Variants in TTLL4 observed in about 807,000 individuals in gnomAD.
TTLL4 encodes the protein tubulin tyrosine ligase like 4.
TTLL4 carries 85 observed loss-of-function variants against 122.7 expected under a neutral mutation model. The observed-to-expected ratio is 0.69, with a 90% confidence interval of 0.58 to 0.83. The LOEUF (loss-of-function observed/expected upper bound fraction) is 0.83, where lower values mean the gene tolerates loss of function less well. Ranked by LOEUF, TTLL4 falls within the 40% of genes least tolerant of loss-of-function variation. TTLL4 has a pLI of 0.00. For synonymous variants in TTLL4, 553 were observed against 563.0 expected, an observed-to-expected ratio of 0.98 and a Z score of 0.25; for missense variants, 1,363 against 1,488.6, an observed-to-expected ratio of 0.92 and a Z score of 1.39.
chr2:218,741,166 GATC>G (rs1942691066), intron 5 of TTLL4, among the ~76,000 whole-genome samples: 1 of 152,172 alleles, frequency 6.6e-6, no homozygotes, highest in African/African-American at 2.4e-5. Flanking sequence ...AAGATGGGTG[GATC>G]ACTTGAGGCC....
intron 1 of TTLL4, among the ~76,000 whole-genome samples, chr2:218,718,983 T>A (rs1941951456): frequency 6.6e-6 from 1 of 152,202 alleles, no homozygotes; most frequent in African/African-American, 2.4e-5. Context: ...ATTTTGTTGA[T>A]CCATACAACT....
chr2:218,739,282 T>G, intron 3 of TTLL4, 119 bp downstream of exon 3: 1 of 1,325,424 alleles, frequency 7.5e-7, no homozygotes, highest in Non-Finnish European at 1.0e-6. Flanking sequence ...CCTAGAATTT[T>G]TGGTTTTCAC....
At chr2:218,756,616 A>G (rs1943156190), downstream of TTLL4, among the ~76,000 whole-genome samples, 1 of 152,230 alleles carries the variant, frequency 6.6e-6, no homozygotes, top group Admixed American at 6.5e-5. Flanking sequence ...AATGCCCACA[A>G]TATGAGGTAT....
chr2:218,712,622 C>T (rs1941745894), intron 1 of TTLL4, among the ~76,000 whole-genome samples: 1 of 152,072 alleles, frequency 6.6e-6, no homozygotes, highest in Non-Finnish European at 1.5e-5. Flanking sequence ...CTCCTGACCT[C>T]GTGATTCACC....
chr2:218,734,528 A>G (rs1161143919), intron 2 of TTLL4, among the ~76,000 whole-genome samples: 1 of 152,158 alleles, frequency 6.6e-6, no homozygotes, highest in Non-Finnish European at 1.5e-5. Flanking sequence ...GTCAGGGAAG[A>G]CTGCCTAGGT....
intron 2 of TTLL4, among the ~76,000 whole-genome samples, chr2:218,730,859 C>T (rs943549578): frequency 7.2e-5 from 11 of 152,030 alleles, no homozygotes; most frequent in Non-Finnish European, 1.0e-4. Context: ...AATCCCAGAG[C>T]TTTGGGAGGC....
chr2:218,737,773 C>T lies in TTLL4; in HGVS notation c.97C>T (p.Pro33Ser), dbSNP rs1439219635. The change falls in exon 3 of 20, where the codon CCT (proline) becomes TCT (serine). Residue 33 changes from proline (P) to serine (S), a missense_variant. By Grantham distance (74) the Pro-to-Ser change is moderately conservative (BLOSUM62 -1). Coordinates refer to ENST00000392102, the MANE Select transcript of TTLL4 (RefSeq NM_014640.5). Reference sequence around the variant, plus strand: ...CTCAGGCACAGTACCTGCCACGCCACCTGAGAAACCCTCGGAGGGCAGAGT... The same window carrying T: ...CTCAGGCACAGTACCTGCCACGCCATCTGAGAAACCCTCGGAGGGCAGAGT... ...GPSGTVPATP[P>S]EKPSEGRVWP... The T allele has an allele frequency of 2.5e-6, 4 of 1,613,932 alleles. No homozygotes were observed. Among genetic ancestry groups the T allele is most frequent in the Non-Finnish European group, 2.5e-6 (3 of 1,179,884 alleles).
At chr2:218,730,529 A>AAAT (rs898292982) in intron 2 of TTLL4, among the ~76,000 whole-genome samples, 2 of 151,748 alleles carry the variant, frequency 1.3e-5, no homozygotes, top group African/African-American at 4.8e-5. Flanking sequence ...ATAAATAAAT[A>AAAT]AATAAAATAA....
intron 5 of TTLL4, 38 bp downstream of exon 5, chr2:218,740,622 C>T: frequency 6.2e-7 from 1 of 1,604,920 alleles, no homozygotes. Context: ...ACATGCTCAT[C>T]TTTTGTCTCT....
At chr2:218,746,335 A>G (rs996763928) in intron 8 of TTLL4, 104 bp downstream of exon 8, 8 of 1,291,872 alleles carry the variant, frequency 6.2e-6, no homozygotes, top group Non-Finnish European at 8.9e-6. Flanking sequence ...GATGATGACC[A>G]TGGAGAAGTC....
intron 15 of TTLL4, 112 bp downstream of exon 15, chr2:218,750,258 C>T: frequency 1.4e-6 from 2 of 1,438,412 alleles, no homozygotes; most frequent in East Asian, 2.3e-5. Context: ...CCTTGCTGCT[C>T]AATCTTGCCC....
intron 5 of TTLL4, among the ~76,000 whole-genome samples, chr2:218,741,388 GGTT>G (rs1363179981): frequency 5.9e-5 from 9 of 152,314 alleles, no homozygotes; most frequent in Admixed American, 2.0e-4. Context: ...CCCAGAGTCG[GGTT>G]GTTTTTCTTT....
Position 218,738,793 on chromosome 2 carries a change from C to T in TTLL4, c.1117C>T (p.Leu373Phe), listed in dbSNP as rs767457033. 7 of 1,614,062 alleles carry T rather than the reference C, an allele frequency of 4.3e-6. No homozygotes were observed. The African/African-American group carries it at 9.3e-5, about 22-fold the overall frequency. ...FLNPSFQWNV[L>F]NRSRRWKPPA... ...GAACCCCAGCTTCCAGTGGAATGTC[C>T]TCAACAGGAGCAGGCGGTGGAAACC... The change falls in exon 3 of 20, where the codon CTC becomes TTC. Residue 373 changes from leucine to phenylalanine, a missense_variant. Around this residue, in one of 3 missense-constraint regions of TTLL4, gnomAD observed 760 missense variants for 808.4 expected, o/e 0.94. Transcript: ENST00000392102.
In TTLL4 at chr2:218,738,905, A is replaced by G. The variant is rs1432536114; in HGVS notation, c.1229A>G (p.Asp410Gly). 6.2e-7 allele frequency: 1 copy of G among 1,614,178 alleles called. No homozygotes were observed. The highest frequency in any genetic ancestry group is 1.7e-5 in the Admixed American group (1 of 60,024). Reference protein sequence around the residue: ...LPGASDTLGLDNTVFCTKRIS... With the variant: ...LPGASDTLGLGNTVFCTKRIS... Reference sequence around the variant, plus strand: ...GGTGCCTCAGATACCTTGGGGTTGGACAATACAGTCTTCTGTACCAAGCGT... The same window carrying G: ...GGTGCCTCAGATACCTTGGGGTTGGGCAATACAGTCTTCTGTACCAAGCGT... Residue 410 changes from aspartate to glycine, a missense_variant, in exon 3 of 20, where the codon GAC becomes GGC. Physicochemically the swap from Asp to Gly is moderately conservative, Grantham distance 94 (BLOSUM62 -1). Transcript: ENST00000392102.
chr2:218,750,650 G>A (rs1355055248), intron 15 of TTLL4, among the ~76,000 whole-genome samples: 2 of 152,000 alleles, frequency 1.3e-5, no homozygotes, highest in African/African-American at 2.4e-5. Flanking sequence ...AAACTGGATC[G>A]CTCACACAAC....
intron 1 of TTLL4, among the ~76,000 whole-genome samples, chr2:218,719,929 G>A (rs564951221): frequency 6.6e-6 from 1 of 152,362 alleles, no homozygotes; most frequent in African/African-American, 2.4e-5. Flanking sequence ...AGATCTAGGG[G>A]CATGGTGGAA....
At chr2:218,752,689 C>G in intron 16 of TTLL4, 74 bp from the exon 17 acceptor site, 1 of 1,541,124 alleles carries the variant, frequency 6.5e-7, no homozygotes. Flanking sequence ...GCTCCCTGTT[C>G]CCCAGCTTCT....
In TTLL4 at chr2:218,754,427, G is replaced by A; in HGVS notation, c.*38G>A. ...CAAAAGCCTCTGCCCAGGAGCATGG[G>A]CATCAGCTACCTCACGGGAACCAGC... is the stretch of plus-strand genomic sequence containing the variant. On this transcript the variant is annotated 3_prime_UTR_variant, in exon 20 of 20. Coordinates refer to ENST00000392102, the MANE Select transcript of TTLL4 (RefSeq NM_014640.5). 6.2e-7 allele frequency: 1 copy of A among 1,609,816 alleles called. No homozygotes were observed. The highest frequency in any genetic ancestry group is 8.5e-7 in the Non-Finnish European group (1 of 1,178,058).
intron 2 of TTLL4, among the ~76,000 whole-genome samples, chr2:218,730,785 G>A (rs1464566465): frequency 6.6e-6 from 1 of 151,706 alleles, no homozygotes; most frequent in African/African-American, 2.4e-5. Context: ...TTAACAGATA[G>A]TATTTAAAAT....
Sources: allele counts gnomAD v4.1 joint callset (sites outside exome capture counted in the v4.1 genomes callset), GRCh38; gene constraint gnomAD v4.1.1; regional missense constraint gnomAD v4.1.1; transcripts MANE v1.5; gene names NCBI Gene and HGNC (gene_info 2026-07-23, HGNC 2026-07-21).